The following SPG21 variants were observed in gnomAD, a reference collection of about 807,000 sequenced individuals.
The protein encoded by SPG21 is maspardin.
Under a neutral mutation model 38.9 loss-of-function variants are expected in SPG21, and 26 were observed. The observed-to-expected ratio is 0.67, with a 90% CI of 0.49 to 0.93. The LOEUF is 0.93. SPG21 is among the 40% of genes least tolerant of loss of function. SPG21 has a pLI of 0.00. For missense variants in SPG21, 333 were observed against 376.5 expected (o/e 0.88, Z 0.96); for synonymous variants, 136 against 128.9 (o/e 1.05, Z -0.37).
chr15:64,971,305 C>T (rs1361863459), intron 5 of SPG21, among the ~76,000 whole-genome samples: 82 of 151,890 alleles, frequency 5.4e-4, no homozygotes, highest in African/African-American at 1.9e-3. Flanking sequence ...TTTGGGAGGC[C>T]AAGGTGGGCA....
rs772169215 is a variant in SPG21 at position 64,980,990 on chromosome 15, C to T, written c.99G>A (p.Ser33=). The part of the protein sequence containing the change: ...IVDDDDSKIW[S]LYDAGPRSIR... Reference sequence around the variant, plus strand: ...TACTTCGGGGGCCCGCGTCATAGAGCGACCATATCTTACTGTCATCATCAT... The same window carrying T: ...TACTTCGGGGGCCCGCGTCATAGAGTGACCATATCTTACTGTCATCATCAT... Residue 33 remains serine, a synonymous_variant, in exon 3 of 9, where the codon TCG becomes TCA. Transcript: ENST00000204566. 5.6e-6 allele frequency: 9 copies of T among 1,613,986 alleles called. No individual in the cohort carries two copies. The highest frequency in any genetic ancestry group is 1.6e-4 in the Middle Eastern group (1 of 6,062).
intron 1 of SPG21, among the ~76,000 whole-genome samples, chr15:64,984,660 G>C (rs1030098172): frequency 1.3e-5 from 2 of 151,964 alleles, no homozygotes; most frequent in African/African-American, 2.4e-5. Context: ...CCTAGAGAAA[G>C]AAGTTTAAGT....
chr15:64,984,940 G>A (rs1274235834), intron 1 of SPG21, among the ~76,000 whole-genome samples: 2 of 151,824 alleles, frequency 1.3e-5, no homozygotes, highest in Admixed American at 6.6e-5. Context: ...TAGTAGAGAC[G>A]GGGTTTCACC....
intron 7 of SPG21, among the ~76,000 whole-genome samples, chr15:64,968,891 GATTC>G (rs902964564): frequency 1.1e-4 from 17 of 152,066 alleles, no homozygotes; most frequent in African/African-American, 4.1e-4. Flanking sequence ...AATTTATTTT[GATTC>G]ATTTTTATTT....
At chr15:64,966,083 A>T (rs909897607) in intron 7 of SPG21, among the ~76,000 whole-genome samples, 3 of 152,188 alleles carry the variant, frequency 2.0e-5, no homozygotes, top group Non-Finnish European at 4.4e-5. Flanking sequence ...ATAGAGAACA[A>T]TCATTGCAAA....
intron 8 of SPG21, among the ~76,000 whole-genome samples, chr15:64,964,156 T>C (rs1223821330): frequency 1.3e-5 from 2 of 152,210 alleles, no homozygotes; most frequent in African/African-American, 2.4e-5. Context: ...AAATGTTTTA[T>C]ACTTCTAAAA....
intron 3 of SPG21, among the ~76,000 whole-genome samples, chr15:64,977,267 G>A (rs927560762): frequency 1.3e-5 from 2 of 152,156 alleles, no homozygotes; most frequent in African/African-American, 4.8e-5. Context: ...GTTTTGCCAT[G>A]TTGGCCAGGC....
chr15:64,967,611 C>G (rs28819462), intron 7 of SPG21, among the ~76,000 whole-genome samples: 78,896 of 151,954 alleles, frequency 0.52, 21,500 homozygotes, highest in East Asian at 0.85. Flanking sequence ...ATAGCTGGGA[C>G]TACAGGTGTG....
At chr15:64,963,905 C>T (rs1034419573) in intron 8 of SPG21, among the ~76,000 whole-genome samples, 169 bp from the exon 9 acceptor site, 6 of 151,954 alleles carry the variant, frequency 3.9e-5, no homozygotes, top group Non-Finnish European at 8.8e-5. Flanking sequence ...TACAGGTGCC[C>T]GCCACCATGC....
chr15:64,965,149 T>G (rs193223687), intron 8 of SPG21, among the ~76,000 whole-genome samples, 171 bp downstream of exon 8: 2 of 152,298 alleles, frequency 1.3e-5, no homozygotes, highest in Non-Finnish European at 2.9e-5. Context: ...AATATACCTG[T>G]TCAAATTCTC....
chr15:64,980,855 A>T lies in SPG21; in HGVS notation c.225+9T>A. The T allele has an allele frequency of 6.2e-7, 1 of 1,613,896 alleles. No homozygotes were observed. The highest frequency in any genetic ancestry group is 8.5e-7 in the Non-Finnish European group (1 of 1,179,936). On this transcript the variant is annotated intron_variant, in intron 3 of 8. Coordinates refer to ENST00000204566, the MANE Select transcript of SPG21 (RefSeq NM_016630.7). ...AACGTGGGTCTGAATTTTAATCAGT[A>T]ATACTTACAGCGATAACCCGGTAAC...
intron 5 of SPG21, among the ~76,000 whole-genome samples, chr15:64,970,475 T>G (rs1421434518): frequency 1.3e-5 from 2 of 152,222 alleles, no homozygotes; most frequent in African/African-American, 4.8e-5. Context: ...TTTACTGAGA[T>G]AGACATTCTG....
intron 4 of SPG21, 59 bp downstream of exon 4, chr15:64,976,416 C>A: frequency 8.0e-7 from 1 of 1,251,576 alleles, no homozygotes; most frequent in Non-Finnish European, 1.2e-6. Flanking sequence ...CAGAGTGAGA[C>A]TTCATCTCAA....
intron 1 of SPG21, chr15:64,987,472 A>C (rs1052997272): frequency 6.6e-6 from 1 of 152,254 alleles, no homozygotes; most frequent in Non-Finnish European, 1.5e-5. Flanking sequence ...ATACTTTTCC[A>C]AATCATAAGA....
intron 3 of SPG21, among the ~76,000 whole-genome samples, chr15:64,978,169 T>C (rs1281922619): frequency 6.7e-6 from 1 of 148,336 alleles, no homozygotes; most frequent in Non-Finnish European, 1.5e-5. Context: ...ACCAACTGGC[T>C]GGGCGTGGTG....
At chr15:64,965,580 A>C (rs1311086157) in intron 7 of SPG21, 120 bp from the exon 8 acceptor site, 36 of 1,456,474 alleles carry the variant, frequency 2.5e-5, no homozygotes, top group Non-Finnish European at 3.3e-5. Flanking sequence ...TGTTACCCTA[A>C]GTATTCCTTT....
At position 64,969,265 on chromosome 15, in the gene SPG21, G is replaced by A; in HGVS notation, c.659C>T (p.Thr220Ile). The part of the protein sequence containing the change: ...EPHKIRDIPV[T>I]IMDVFDQSAL... ...TAAAAGGAAGCTTACATCCATAATAGTTACAGGTATGTCCCGAATTTTATG... is the reference window on the plus strand; with the variant it reads ...TAAAAGGAAGCTTACATCCATAATAATTACAGGTATGTCCCGAATTTTATG... Residue 220 changes from threonine to isoleucine, a missense_variant, in exon 7 of 9, where the codon ACT becomes ATT. Thr to Ile is a moderately conservative substitution (Grantham distance 89). Coordinates refer to ENST00000204566, the MANE Select transcript of SPG21 (RefSeq NM_016630.7). 6.2e-7 allele frequency: 1 copy of A among 1,607,746 alleles called. No individual in the cohort carries two copies. Among genetic ancestry groups the A allele is most frequent in the South Asian group, 1.1e-5 (1 of 90,934 alleles).
intron 7 of SPG21, among the ~76,000 whole-genome samples, chr15:64,968,340 C>CCA (rs1260971823): frequency 1.8e-5 from 2 of 109,664 alleles, no homozygotes; most frequent in African/African-American, 3.6e-5. Context: ...ACCCTGTTTC[C>CCA]AAAAAAAAAA....
intron 3 of SPG21, among the ~76,000 whole-genome samples, chr15:64,977,955 T>C (rs1474762071): frequency 1.3e-5 from 2 of 152,094 alleles, no homozygotes; most frequent in African/African-American, 4.8e-5. Flanking sequence ...CCTGAGTAGC[T>C]GGGACTACAG....
Sources: allele counts gnomAD v4.1 joint callset (sites outside exome capture counted in the v4.1 genomes callset), GRCh38; gene constraint gnomAD v4.1.1; transcripts MANE v1.5; gene names NCBI Gene and HGNC (gene_info 2026-07-23, HGNC 2026-07-21).